The following MLLT10 variants were observed in gnomAD, a reference collection of about 807,000 sequenced individuals.
MLLT10 encodes MLLT10 histone lysine methyltransferase DOT1L cofactor, also known as protein AF-10.
MLLT10 carries 30 observed loss-of-function variants against 129.1 expected under a neutral mutation model. That is an observed-to-expected ratio of 0.23 (90% CI 0.17 to 0.32). The LOEUF is 0.32. MLLT10 is among the 10% of genes least tolerant of loss of function. The pLI, the probability that MLLT10 is intolerant of heterozygous loss-of-function variation, is 1.00. For synonymous variants in MLLT10, 490 were observed against 446.4 expected (o/e 1.10, Z -1.23); for missense variants, 1,119 against 1,268.3 (o/e 0.88, Z 1.79).
chr10:21,577,599 G>T (rs1240842629), intron 3 of MLLT10, among the ~76,000 whole-genome samples: 7 of 151,800 alleles, frequency 4.6e-5, no homozygotes, highest in Non-Finnish European at 8.8e-5. Context: ...AGCCTCCCGA[G>T]TAGCTGGGAT....
chr10:21,713,979 TA>T (rs779813388), intron 14 of MLLT10, 29 bp downstream of exon 14: 72 of 1,563,482 alleles, frequency 4.6e-5, no homozygotes, highest in Non-Finnish European at 5.6e-5. Context: ...ATGTGACAGG[TA>T]ATAGGTGGGT....
chr10:21,679,619 A>G (rs746256192), intron 11 of MLLT10, among the ~76,000 whole-genome samples: 1 of 152,174 alleles, frequency 6.6e-6, no homozygotes, highest in African/African-American at 2.4e-5. Context: ...AAAGAACTCA[A>G]ATTGCAAGGG....
chr10:21,717,653 TTCCTCCTCCTCTTCCTCCTCCTCTTCC>T (rs2056756100), intron 14 of MLLT10, among the ~76,000 whole-genome samples: 1 of 56,178 alleles, frequency 1.8e-5, no homozygotes, highest in Non-Finnish European at 3.7e-5. Context: ...CCTCCTCCTC[TTCCTCCTCCTCTTCCTCCTCCTCTTCC>T]TCCTCCTCCT....
chr10:21,552,591 C>T (rs896537701), intron 3 of MLLT10, among the ~76,000 whole-genome samples: 8 of 151,630 alleles, frequency 5.3e-5, no homozygotes, highest in Admixed American at 6.6e-5. Flanking sequence ...GGGGCTTTAC[C>T]GTGTTGGCCA....
In MLLT10 at chr10:21,551,728, C is replaced by G. The variant is rs181462532; in HGVS notation, c.240+12816C>G. 350 of 356,860 alleles carry G rather than the reference C, an allele frequency of 9.8e-4. 3 individuals are homozygous for G. The highest frequency in any genetic ancestry group is 7.5e-3 in the African/African-American group (325 of 43,412). 22.1% of individuals were successfully genotyped at this position (356,860 alleles called of 1,614,324 possible). A position where few individuals can be genotyped will look rare whatever the true frequency, so the allele number is the denominator to read the frequency against. ...TGATAAATTGCCTAGCATATGGTAT[C>G]TGTTTATTCTGTTTTTGTGTTTAGA... On this transcript the variant is annotated intron_variant, in intron 3 of 22. Transcript: ENST00000307729.
At chr10:21,725,677 C>T (rs937571291) in intron 14 of MLLT10, among the ~76,000 whole-genome samples, 2 of 144,980 alleles carry the variant, frequency 1.4e-5, no homozygotes, top group African/African-American at 5.1e-5. Flanking sequence ...GCCGAGAACG[C>T]GCCATTGCAC....
chr10:21,548,139 T>C (rs1053936122), intron 3 of MLLT10, among the ~76,000 whole-genome samples: 1 of 152,146 alleles, frequency 6.6e-6, no homozygotes, highest in African/African-American at 2.4e-5. Context: ...TAGTTTGTCT[T>C]CTGGTGTCTG....
chr10:21,657,325 C>T (rs942254818), intron 9 of MLLT10, among the ~76,000 whole-genome samples: 16 of 144,632 alleles, frequency 1.1e-4, no homozygotes, highest in South Asian at 2.2e-4. Context: ...CCCCAGAGGC[C>T]GAGGTTGCAG....
chr10:21,658,558 A>G (rs1435600741), intron 9 of MLLT10, among the ~76,000 whole-genome samples: 1 of 152,180 alleles, frequency 6.6e-6, no homozygotes, highest in Non-Finnish European at 1.5e-5. Context: ...AAGCTACTAT[A>G]AATATTGTAT....
chr10:21,728,635 C>T (rs768398597), intron 16 of MLLT10, among the ~76,000 whole-genome samples: 9 of 152,098 alleles, frequency 5.9e-5, no homozygotes, highest in Non-Finnish European at 1.2e-4. Flanking sequence ...AATTTAGGAA[C>T]CCTCCCTCAA....
intron 8 of MLLT10, among the ~76,000 whole-genome samples, chr10:21,634,825 T>A (rs1046447272): frequency 1.3e-5 from 2 of 152,244 alleles, no homozygotes; most frequent in African/African-American, 4.8e-5. Context: ...ATCTTAATGC[T>A]CAGATTGTCC....
intron 3 of MLLT10, among the ~76,000 whole-genome samples, chr10:21,540,826 A>C (rs2035019656): frequency 6.6e-6 from 1 of 152,192 alleles, no homozygotes; most frequent in Admixed American, 6.5e-5. Flanking sequence ...CATATAGCAA[A>C]AGCAGAAGCT....
At chr10:21,559,124 C>T (rs930251762) in intron 3 of MLLT10, among the ~76,000 whole-genome samples, 2 of 152,302 alleles carry the variant, frequency 1.3e-5, no homozygotes, top group African/African-American at 4.8e-5. Context: ...TGCTGTGTCG[C>T]CCAGGCTGGA....
Position 21,731,314 on chromosome 10 carries a change from T to G in MLLT10, c.2218+260T>G, listed in dbSNP as rs190826335. Among the ~76,000 whole-genome samples the G allele has an allele frequency of 4.6e-5, 7 of 152,324 alleles. No homozygotes were observed. In the East Asian group the frequency reaches 1.4e-3, roughly 29 times the overall value. ...TGTTTTTTAAAGTTCTTTAATCTCC[T>G]ATTTTTACAATTGGGAGTAATAATG... On this transcript the variant is annotated intron_variant, in intron 17 of 22. Transcript: ENST00000307729.
At chr10:21,663,869 C>G (rs776885709) in intron 9 of MLLT10, among the ~76,000 whole-genome samples, 3 of 152,068 alleles carry the variant, frequency 2.0e-5, no homozygotes, top group Non-Finnish European at 4.4e-5. Context: ...TTTTGTTTAG[C>G]AGTTTGCCCT....
chr10:21,660,989 GTTTTA>G (rs2050143100), intron 9 of MLLT10, among the ~76,000 whole-genome samples: 1 of 150,496 alleles, frequency 6.6e-6, no homozygotes, highest in African/African-American at 2.4e-5. Context: ...AAATTTTTAT[GTTTTA>G]TTTTCATTTA....
chr10:21,626,186 C>CT (rs2046414627), intron 8 of MLLT10: 1 of 1,606,258 alleles, frequency 6.2e-7, no homozygotes, highest in Non-Finnish European at 8.5e-7. Context: ...TGATAAGTCA[C>CT]TTTCCTTGAA....
At chr10:21,702,585 T>C (rs1471192400) in intron 13 of MLLT10, among the ~76,000 whole-genome samples, 4 of 152,226 alleles carry the variant, frequency 2.6e-5, no homozygotes, top group African/African-American at 9.6e-5. Flanking sequence ...TAGTAATATT[T>C]GCTTTCTGAA....
intron 14 of MLLT10, among the ~76,000 whole-genome samples, chr10:21,726,031 G>A (rs2057482860): frequency 6.6e-6 from 1 of 152,188 alleles, no homozygotes; most frequent in Non-Finnish European, 1.5e-5. Context: ...GATTACAGGC[G>A]TGAGCCACCG....
Sources: allele counts gnomAD v4.1 joint callset (sites outside exome capture counted in the v4.1 genomes callset), GRCh38; gene constraint gnomAD v4.1.1; transcripts MANE v1.5; gene names NCBI Gene and HGNC (gene_info 2026-07-23, HGNC 2026-07-21).